The following PSD3 variants were observed in gnomAD, a reference collection of about 807,000 sequenced individuals.
The protein encoded by PSD3 is pleckstrin and Sec7 domain containing 3.
Under a neutral mutation model 105.5 loss-of-function variants are expected in PSD3, and 49 were observed. That is an observed-to-expected ratio of 0.46 (90% CI 0.37 to 0.59). The LOEUF (loss-of-function observed/expected upper bound fraction) is 0.59, where lower values mean the gene tolerates loss of function less well. Among genes scored for constraint, PSD3 ranks in the 20% least tolerant of loss-of-function variants. The pLI, the probability that PSD3 is intolerant of heterozygous loss-of-function variation, is 0.00. For missense variants in PSD3, 1,561 were observed against 1,263.8 expected (o/e 1.24, Z -3.57); for synonymous variants, 557 against 457.8 (o/e 1.22, Z -2.77).
intron 2 of PSD3, among the ~76,000 whole-genome samples, chr8:18,907,393 T>C (rs1478679928): frequency 1.3e-5 from 2 of 152,204 alleles, no homozygotes; most frequent in African/African-American, 2.4e-5. Context: ...AGGCTGGTCT[T>C]TGAAATCCTG....
chr8:18,757,520 G>GT (rs2129441535), intron 9 of PSD3, among the ~76,000 whole-genome samples: 1 of 152,186 alleles, frequency 6.6e-6, no homozygotes, highest in Non-Finnish European at 1.5e-5. Flanking sequence ...TCTACTCTTT[G>GT]TTTCTTTTCT....
chr8:18,801,383 C>T lies in PSD3; in HGVS notation c.1911-1G>A. ...AAGAGAGAATGCTTTAAAGAAATAC[C>T]TACAAGAGAATTAAAAATTTAAACA... On this transcript the variant is annotated splice_acceptor_variant, in intron 6 of 15. Coordinates refer to ENST00000327040, the MANE Select transcript of PSD3 (RefSeq NM_015310.4). LOFTEE classifies it high-confidence loss of function. 6.4e-7 allele frequency: 1 copy of T among 1,555,518 alleles called. No homozygotes were observed. The highest frequency in any genetic ancestry group is 8.8e-7 in the Non-Finnish European group (1 of 1,136,578).
chr8:18,940,019 C>G (rs1822425076), intron 1 of PSD3: 1 of 152,168 alleles, frequency 6.6e-6, no homozygotes, highest in African/African-American at 2.4e-5. Context: ...CAAGGTTGCT[C>G]ATGACCTAAA....
chr8:18,829,049 G>A (rs1470710904), intron 4 of PSD3, among the ~76,000 whole-genome samples: 1 of 152,094 alleles, frequency 6.6e-6, no homozygotes, highest in Non-Finnish European at 1.5e-5. Context: ...CTCCAGCCTG[G>A]GCGACAGAGT....
At chr8:18,671,760 T>G (rs1172417443) in intron 9 of PSD3, among the ~76,000 whole-genome samples, 1 of 152,142 alleles carries the variant, frequency 6.6e-6, no homozygotes, top group South Asian at 2.1e-4. Flanking sequence ...GCCTCCCGAA[T>G]AGCTGGGACT....
chr8:18,581,856 G>A (rs149567811), intron 12 of PSD3, among the ~76,000 whole-genome samples: 7 of 152,268 alleles, frequency 4.6e-5, no homozygotes, highest in Admixed American at 1.3e-4. Context: ...GTGATACTCC[G>A]TGGATTTACT....
intron 8 of PSD3, among the ~76,000 whole-genome samples, chr8:18,775,110 T>C (rs2129444719): frequency 6.6e-6 from 1 of 152,328 alleles, no homozygotes; most frequent in Middle Eastern, 3.4e-3. Flanking sequence ...GAACATGTGG[T>C]ATTTGTCGCT....
intron 9 of PSD3, among the ~76,000 whole-genome samples, chr8:18,748,219 T>C (rs1805181706): frequency 1.3e-5 from 2 of 152,200 alleles, no homozygotes; most frequent in African/African-American, 4.8e-5. Context: ...TTACATCCTT[T>C]GTATTTTTCA....
Position 18,825,439 on chromosome 8 carries a change from A to T in PSD3, c.1635-20541T>A, listed in dbSNP as rs570338669. On this transcript the variant is annotated intron_variant, in intron 4 of 15. Transcript: ENST00000327040. The stretch of plus-strand genomic sequence containing the variant: ...CGGTTTGAGAATCACAAATGGTCTA[A>T]CTAGGCATTCAGTGTCCACTGGCTA... 5.3e-5 allele frequency among the ~76,000 whole-genome samples: 8 copies of T among 152,326 alleles called. No individual in the cohort carries two copies. The South Asian group carries it at 1.7e-3, about 32-fold the overall frequency.
At position 18,808,284 on chromosome 8, in the gene PSD3, C is replaced by T. The variant is rs985351106; in HGVS notation, c.1635-3386G>A. ...AAGGATTTTCTTCTTAATTAAACCA[C>T]TACTCACTGCTCATTTCCCAGGGAA... On this transcript the variant is annotated intron_variant, in intron 4 of 15. Coordinates refer to ENST00000327040, the MANE Select transcript of PSD3 (RefSeq NM_015310.4). 2.6e-5 allele frequency among the ~76,000 whole-genome samples: 4 copies of T among 152,194 alleles called. No homozygotes were observed. In the East Asian group the frequency reaches 5.8e-4, roughly 22 times the overall value.
chr8:19,057,284 C>A (rs1402271700), intron 1 of PSD3, among the ~76,000 whole-genome samples: 1 of 152,208 alleles, frequency 6.6e-6, no homozygotes, highest in African/African-American at 2.4e-5. Context: ...GAGTGGTATA[C>A]ACATACTGCT....
At chr8:18,808,465 C>CA (rs1350483158) in intron 4 of PSD3, among the ~76,000 whole-genome samples, 3 of 152,186 alleles carry the variant, frequency 2.0e-5, no homozygotes, top group African/African-American at 7.2e-5. Flanking sequence ...TCATGTTACT[C>CA]ATTCTCCATA....
chr8:19,035,536 C>G (rs887477053), intron 1 of PSD3, among the ~76,000 whole-genome samples: 4 of 151,848 alleles, frequency 2.6e-5, no homozygotes, highest in African/African-American at 9.7e-5. Flanking sequence ...ACAAAATTGT[C>G]TAGTCTCCCT....
At chr8:18,848,145 C>A (rs190694281) in intron 4 of PSD3, among the ~76,000 whole-genome samples, 40 of 152,024 alleles carry the variant, frequency 2.6e-4, no homozygotes, top group African/African-American at 9.4e-4. Context: ...AAAAAAAATC[C>A]CTAAATCCTG....
chr8:18,744,729 A>T (rs532746019), intron 9 of PSD3, among the ~76,000 whole-genome samples: 1 of 152,198 alleles, frequency 6.6e-6, no homozygotes, highest in Non-Finnish European at 1.5e-5. Flanking sequence ...CCAGAACGTT[A>T]ATGTTGGTAT....
At chr8:19,013,516 G>A in intron 1 of PSD3, 47 bp downstream of exon 1, 1 of 1,578,290 alleles carries the variant, frequency 6.3e-7, no homozygotes. Context: ...GTCGAACAGC[G>A]GCGCCGCGTG....
chr8:19,080,650 G>GT (rs1829615278), intron 1 of PSD3, among the ~76,000 whole-genome samples: 1 of 152,092 alleles, frequency 6.6e-6, no homozygotes, highest in African/African-American at 2.4e-5. Context: ...TTTCCTCGCT[G>GT]TTTCCTAAAC....
chr8:18,813,437 T>C (rs1255179723), intron 4 of PSD3, among the ~76,000 whole-genome samples: 2 of 152,180 alleles, frequency 1.3e-5, no homozygotes, highest in Admixed American at 1.3e-4. Flanking sequence ...GTCACCCTTA[T>C]GTTGGTGGAG....
At chr8:18,754,006 C>A (rs940216960) in intron 9 of PSD3, among the ~76,000 whole-genome samples, 1 of 152,144 alleles carries the variant, frequency 6.6e-6, no homozygotes, top group Admixed American at 6.5e-5. Context: ...TTGCTACTGC[C>A]CCTCTATCTG....
Sources: gnomAD v4.1 joint callset for allele counts (sites outside exome capture counted in the v4.1 genomes callset) on GRCh38, gnomAD v4.1.1 for gene constraint, MANE v1.5 for transcripts, NCBI Gene and HGNC (gene_info 2026-07-23, HGNC 2026-07-21) for gene names.